NLGN1: variants seen among roughly 807,000 people sequenced by gnomAD.
NLGN1 encodes neuroligin-1.
A neutral mutation model predicts 65.5 loss-of-function variants in NLGN1; 12 were observed. The ratio of observed to expected loss-of-function variants is 0.18; its 90% CI spans 0.12 to 0.30. NLGN1 has a LOEUF of 0.30. Ranked by LOEUF, NLGN1 falls within the 10% of genes least tolerant of loss-of-function variation. The pLI, the probability that NLGN1 is intolerant of heterozygous loss-of-function variation, is 1.00. For missense variants in NLGN1, 750 were observed against 1,007.1 expected (o/e 0.74, Z 3.46); for synonymous variants, 350 against 359.5 (o/e 0.97, Z 0.30).
rs532600910 is a variant in NLGN1 at position 174,212,429 on chromosome 3, T to G, written c.647-62886T>G. On this transcript the variant is annotated intron_variant, in intron 4 of 6. Coordinates refer to ENST00000457714, the Ensembl canonical transcript of NLGN1. The stretch of plus-strand genomic sequence containing the variant: ...CCAGAAAGGGGCTCCCACAGTGCAG[T>G]GGTGGGCTGAAGGGCTCCTCAAATG... 5.1e-3 allele frequency among the ~76,000 whole-genome samples: 783 copies of G among 152,210 alleles called. 1 individual carries two copies. Among genetic ancestry groups the G allele is most frequent in the Non-Finnish European group, 9.1e-3 (622 of 67,980 alleles).
intron 2 of NLGN1, among the ~76,000 whole-genome samples, chr3:173,500,265 T>C (rs1431293946): frequency 1.3e-5 from 2 of 152,066 alleles, no homozygotes; most frequent in African/African-American, 4.8e-5. Context: ...GCATGAAAGG[T>C]TGTTGAATTT....
intron 4 of NLGN1, among the ~76,000 whole-genome samples, chr3:173,973,021 A>G (rs1579504074): frequency 6.6e-6 from 1 of 152,054 alleles, no homozygotes; most frequent in Non-Finnish European, 1.5e-5. Context: ...ACTGCCGCTT[A>G]TTGTCTTTTG....
chr3:174,069,159 T>G (rs1022445647), intron 4 of NLGN1, among the ~76,000 whole-genome samples: 2 of 152,122 alleles, frequency 1.3e-5, no homozygotes, highest in African/African-American at 4.8e-5. Context: ...AGCCCCATGG[T>G]TTAGAAGCCA....
rs181971636 is a variant in NLGN1 at position 173,458,522 on chromosome 3, A to G, written c.-321+23444A>G. Among the ~76,000 whole-genome samples the G allele has an allele frequency of 9.6e-3, 1,456 of 151,902 alleles. 11 individuals are homozygous for G. The highest frequency in any genetic ancestry group is 0.024 in the Middle Eastern group (7 of 294). On this transcript the variant is annotated intron_variant, in intron 2 of 6. Transcript: ENST00000457714. ...TTTTCTCTCTTAAAAACCAAACCAA[A>G]CCCAAACAAACCAAAAATCCTACAG...
At chr3:174,201,344 A>G (rs1734440461) in intron 4 of NLGN1, among the ~76,000 whole-genome samples, 1 of 24,650 alleles carries the variant, frequency 4.1e-5, no homozygotes, top group African/African-American at 1.2e-4. Flanking sequence ...AGGTGGGAGG[A>G]ATGAAGGAAG....
intron 4 of NLGN1, among the ~76,000 whole-genome samples, chr3:173,907,972 G>A (rs369304868): frequency 6.2e-4 from 94 of 151,524 alleles, no homozygotes; most frequent in Non-Finnish European, 1.1e-3. Context: ...CACATGCCTC[G>A]GCCTCCCAAA....
chr3:174,139,464 C>T (rs1399733687), intron 4 of NLGN1, among the ~76,000 whole-genome samples: 5 of 151,586 alleles, frequency 3.3e-5, no homozygotes, highest in Non-Finnish European at 7.4e-5. Flanking sequence ...TTTTTTAGCA[C>T]TGAATAATAT....
At chr3:174,155,756 A>G (rs1725327958) in intron 4 of NLGN1, among the ~76,000 whole-genome samples, 1 of 152,004 alleles carries the variant, frequency 6.6e-6, no homozygotes, top group South Asian at 2.1e-4. Context: ...GAGTAGGGAA[A>G]TAAGGGTACC....
At chr3:174,184,294 A>T (rs558627967) in intron 4 of NLGN1, among the ~76,000 whole-genome samples, 5 of 152,272 alleles carry the variant, frequency 3.3e-5, no homozygotes, top group African/African-American at 7.2e-5. Flanking sequence ...ATTAAAAATT[A>T]TTCAGTGTGT....
intron 4 of NLGN1, among the ~76,000 whole-genome samples, chr3:174,052,723 A>C (rs896670450): frequency 6.6e-6 from 1 of 151,984 alleles, no homozygotes; most frequent in African/African-American, 2.4e-5. Context: ...TCTATTTGAG[A>C]GTGTACAGTA....
At chr3:173,658,697 G>T (rs1760460775) in intron 3 of NLGN1, among the ~76,000 whole-genome samples, 1 of 151,900 alleles carries the variant, frequency 6.6e-6, no homozygotes, top group South Asian at 2.1e-4. Flanking sequence ...ACTTCCTTGG[G>T]ATTACCCTTG....
chr3:174,291,070 G>A (rs909164476), downstream of NLGN1, among the ~76,000 whole-genome samples: 1 of 150,148 alleles, frequency 6.7e-6, no homozygotes, highest in Non-Finnish European at 1.5e-5. Context: ...AGGAAATGCA[G>A]ACCAAAGAAT....
chr3:173,951,272 C>T (rs1748151406), intron 4 of NLGN1, among the ~76,000 whole-genome samples: 1 of 152,072 alleles, frequency 6.6e-6, no homozygotes, highest in South Asian at 2.1e-4. Flanking sequence ...GGTAGTCTTT[C>T]AGTTTGTTCA....
At chr3:173,852,569 A>G (rs1050389313) in intron 4 of NLGN1, among the ~76,000 whole-genome samples, 1 of 152,074 alleles carries the variant, frequency 6.6e-6, no homozygotes, top group African/African-American at 2.4e-5. Flanking sequence ...TGGTCATGGC[A>G]TACTATTCAT....
chr3:173,721,249 TG>T (rs1328206568), intron 3 of NLGN1, among the ~76,000 whole-genome samples: 2 of 152,226 alleles, frequency 1.3e-5, no homozygotes, highest in African/African-American at 4.8e-5. Context: ...AAAATGAGCT[TG>T]GTGTTGACTG....
At chr3:173,609,688 A>G (rs1387707771) in intron 3 of NLGN1, among the ~76,000 whole-genome samples, 1 of 151,962 alleles carries the variant, frequency 6.6e-6, no homozygotes, top group Non-Finnish European at 1.5e-5. Context: ...CTCTAGGTAC[A>G]GAGTAAATAA....
At chr3:173,949,974 A>T (rs1368476461) in intron 4 of NLGN1, among the ~76,000 whole-genome samples, 1 of 152,222 alleles carries the variant, frequency 6.6e-6, no homozygotes, top group Non-Finnish European at 1.5e-5. Context: ...CAATAGATAT[A>T]GTTCTGAAAG....
At chr3:173,427,845 ATTT>A (rs373746661) in intron 1 of NLGN1, among the ~76,000 whole-genome samples, 2 of 123,112 alleles carry the variant, frequency 1.6e-5, no homozygotes, top group Non-Finnish European at 1.8e-5. Flanking sequence ...TGGAAACTCT[ATTT>A]TTTTTTTTTT....
At position 173,834,765 on chromosome 3, in the gene NLGN1, C is replaced by G. The variant is rs370548952; in HGVS notation, c.646+26933C>G. ...AGGAGGAGATTATCAAACTCAAGCC[C>G]ACACAAATTTAAGTCTCATGCTGTC... On this transcript the variant is annotated intron_variant, in intron 4 of 6. Transcript: ENST00000457714. Among the ~76,000 whole-genome samples, 380 of 152,266 alleles carry G rather than the reference C, an allele frequency of 2.5e-3. 1 individual carries two copies. The highest frequency in any genetic ancestry group is 0.01 in the Middle Eastern group (3 of 294).
Sources: allele counts gnomAD v4.1 joint callset (sites outside exome capture counted in the v4.1 genomes callset), GRCh38; gene constraint gnomAD v4.1.1; transcripts MANE v1.5; gene names NCBI Gene and HGNC (gene_info 2026-07-23, HGNC 2026-07-21).